The following KCNH1 variants were observed in gnomAD, a reference collection of about 807,000 sequenced individuals.
KCNH1 encodes voltage-gated delayed rectifier potassium channel KCNH1.
KCNH1 carries 27 observed loss-of-function variants against 69.2 expected under a neutral mutation model. The observed-to-expected ratio is 0.39, with a 90% confidence interval of 0.29 to 0.54. The LOEUF is 0.54. Ranked by LOEUF, KCNH1 falls within the 20% of genes least tolerant of loss-of-function variation. The pLI, the probability that KCNH1 is intolerant of heterozygous loss-of-function variation, is 0.68. For missense variants in KCNH1, 798 were observed against 1,261.6 expected, an observed-to-expected ratio of 0.63 and a Z score of 5.57; for synonymous variants, 456 against 487.7, an observed-to-expected ratio of 0.93 and a Z score of 0.86.
At chr1:211,008,000 A>C (rs75648650) in intron 6 of KCNH1, among the ~76,000 whole-genome samples, 4,031 of 152,310 alleles carry the variant, frequency 0.026, 98 homozygotes, top group South Asian at 0.061. Flanking sequence ...GTAGTTCCCT[A>C]AGAAACTAAA....
At chr1:210,810,927 G>C (rs552857996) in intron 7 of KCNH1, among the ~76,000 whole-genome samples, 3 of 152,282 alleles carry the variant, frequency 2.0e-5, no homozygotes, top group Non-Finnish European at 4.4e-5. Context: ...ATTGTCAACT[G>C]TGAGAATTCA....
At chr1:211,057,864 A>G (rs1367094965) in intron 5 of KCNH1, among the ~76,000 whole-genome samples, 1 of 152,198 alleles carries the variant, frequency 6.6e-6, no homozygotes, top group African/African-American at 2.4e-5. Context: ...AAGTACAGGA[A>G]AGTTACAGAA....
chr1:210,747,913 T>G (rs1683198253), intron 10 of KCNH1, among the ~76,000 whole-genome samples: 1 of 152,174 alleles, frequency 6.6e-6, no homozygotes, highest in African/African-American at 2.4e-5. Context: ...ATAATTTAAG[T>G]CCTGAGATGA....
intron 3 of KCNH1, 52 bp from the exon 4 acceptor site, chr1:211,090,742 G>C: frequency 6.6e-7 from 1 of 1,523,596 alleles, no homozygotes. Flanking sequence ...CATTTGAGGG[G>C]CTATGGAAGC....
intron 6 of KCNH1, among the ~76,000 whole-genome samples, chr1:210,985,301 T>C (rs1688808230): frequency 6.6e-6 from 1 of 152,184 alleles, no homozygotes; most frequent in Non-Finnish European, 1.5e-5. Context: ...GCTCTGATCT[T>C]AGTTATTTCT....
chr1:210,778,240 TAAG>T (rs1018038001), intron 9 of KCNH1, among the ~76,000 whole-genome samples: 3 of 152,098 alleles, frequency 2.0e-5, no homozygotes, highest in African/African-American at 7.2e-5. Flanking sequence ...GAAGAAACAA[TAAG>T]AAGTTTCTTA....
chr1:211,028,217 A>T (rs1689718915), intron 5 of KCNH1, among the ~76,000 whole-genome samples: 1 of 152,090 alleles, frequency 6.6e-6, no homozygotes, highest in Non-Finnish European at 1.5e-5. Context: ...TAAATATCAC[A>T]CTTCTAAATA....
At chr1:210,970,438 T>C (rs944229160) in intron 6 of KCNH1, among the ~76,000 whole-genome samples, 1 of 152,244 alleles carries the variant, frequency 6.6e-6, no homozygotes, top group Admixed American at 6.6e-5. Flanking sequence ...CTGAGGATGA[T>C]GGCTTCCAGC....
intron 6 of KCNH1, among the ~76,000 whole-genome samples, chr1:210,970,772 C>G (rs566609989): frequency 6.6e-6 from 1 of 151,972 alleles, no homozygotes; most frequent in African/African-American, 2.4e-5. Flanking sequence ...CTGCAACAAA[C>G]GCTAAAATTG....
intron 6 of KCNH1, among the ~76,000 whole-genome samples, chr1:210,997,619 T>C (rs920585015): frequency 6.6e-5 from 10 of 152,038 alleles, no homozygotes; most frequent in African/African-American, 1.4e-4. Context: ...CTTCCCCAAT[T>C]TAGCACGACA....
At chr1:210,977,088 T>C (rs934322781) in intron 6 of KCNH1, among the ~76,000 whole-genome samples, 2 of 152,162 alleles carry the variant, frequency 1.3e-5, no homozygotes, top group Admixed American at 6.5e-5. Context: ...TGGTGGCACA[T>C]ATACACCATG....
chr1:211,126,158 A>G (rs577241900), intron 1 of KCNH1, among the ~76,000 whole-genome samples: 20 of 151,616 alleles, frequency 1.3e-4, no homozygotes, highest in African/African-American at 4.6e-4. Context: ...TGAGCCCAGG[A>G]GTTCAAGACC....
At chr1:211,090,716 C>T (rs1386212532) in intron 3 of KCNH1, 26 bp from the exon 4 acceptor site, 16 of 1,586,662 alleles carry the variant, frequency 1.0e-5, no homozygotes, top group Non-Finnish European at 1.4e-5. Flanking sequence ...AAAGGTTGGT[C>T]AGTAATTTGC....
chr1:210,694,039 C>G (rs141004675), intron 10 of KCNH1, among the ~76,000 whole-genome samples: 260 of 152,294 alleles, frequency 1.7e-3, no homozygotes, highest in African/African-American at 6.0e-3. Context: ...AAAAGTCTTA[C>G]AGACTGGATC....
chr1:210,737,110 C>G (rs1682899221), intron 10 of KCNH1, among the ~76,000 whole-genome samples: 1 of 152,178 alleles, frequency 6.6e-6, no homozygotes, highest in African/African-American at 2.4e-5. Flanking sequence ...TCAATCTCAT[C>G]ATGCCCTAAC....
chr1:210,724,711 T>A (rs1437484398), intron 10 of KCNH1, among the ~76,000 whole-genome samples: 1 of 152,166 alleles, frequency 6.6e-6, no homozygotes, highest in Non-Finnish European at 1.5e-5. Flanking sequence ...TAGTTTGACT[T>A]CAGGGTCTCA....
At chr1:210,937,895 T>C (rs984004619) in intron 6 of KCNH1, among the ~76,000 whole-genome samples, 3 of 152,224 alleles carry the variant, frequency 2.0e-5, no homozygotes, top group African/African-American at 7.2e-5. Context: ...TAGAACTTCT[T>C]CTCTTCTCAA....
chr1:211,033,319 C>A (rs982399132), intron 5 of KCNH1, among the ~76,000 whole-genome samples: 2 of 152,212 alleles, frequency 1.3e-5, no homozygotes, highest in African/African-American at 4.8e-5. Context: ...GTTGGTGGGA[C>A]TGTAAACTGG....
chr1:210,937,830 T>G (rs1396923024), intron 6 of KCNH1, among the ~76,000 whole-genome samples: 1 of 152,188 alleles, frequency 6.6e-6, no homozygotes, highest in Non-Finnish European at 1.5e-5. Flanking sequence ...AAGACTATAC[T>G]CCCCTGGTTC....
Sources: allele counts gnomAD v4.1 joint callset (sites outside exome capture counted in the v4.1 genomes callset), GRCh38; gene constraint gnomAD v4.1.1; transcripts MANE v1.5; gene names NCBI Gene and HGNC (gene_info 2026-07-23, HGNC 2026-07-21).